The following DNAH5 variants were observed in gnomAD, a reference collection of about 807,000 sequenced individuals.
DNAH5 encodes dynein axonemal heavy chain 5.
A neutral mutation model predicts 518.2 loss-of-function variants in DNAH5; 372 were observed. That is an observed-to-expected ratio of 0.72 (90% CI 0.66 to 0.78). DNAH5 has a LOEUF of 0.78. DNAH5 is among the 30% of genes least tolerant of loss of function. The probability of loss-of-function intolerance (pLI) is 0.00; values close to 1 mark genes in which losing one functional copy is unlikely to be tolerated. For missense variants in DNAH5, 5,523 were observed against 5,687.0 expected (o/e 0.97, Z 0.93); for synonymous variants, 2,039 against 2,025.9 (o/e 1.01, Z -0.17).
At chr5:13,871,500 C>T (rs537385885) in intron 23 of DNAH5, 64 bp downstream of exon 23, 1 of 1,364,716 alleles carries the variant, frequency 7.3e-7, no homozygotes, top group African/African-American at 1.4e-5. Context: ...GAATACAAAT[C>T]TAGGTAAAGA....
In DNAH5 at chr5:13,824,269, C is replaced by G; in HGVS notation, c.6509G>C (p.Arg2170Thr). 1 of 1,614,098 alleles carries G rather than the reference C, an allele frequency of 6.2e-7. No individual in the cohort carries two copies. The highest frequency in any genetic ancestry group is 8.5e-7 in the Non-Finnish European group (1 of 1,179,976). ...SVLRTLGAAK[R>T]ANPMDTESTI... ...GGACTCCGTATCCATTGGATTGGCT[C>G]TTTTTGCTGCTCCCAAGGTCCGAAG... The change falls in exon 39 of 79, where the codon AGA (arginine) becomes ACA (threonine). Residue 2170 changes from arginine to threonine, a missense_variant. Arg to Thr is a moderately conservative substitution (Grantham distance 71). This residue lies in a region of DNAH5 where 5,121 missense variants were observed against 5,223.3 expected (regional missense o/e 0.98). Transcript: ENST00000265104.
At chr5:13,710,071 G>A (rs753522179) in intron 75 of DNAH5, among the ~76,000 whole-genome samples, 69 of 151,952 alleles carry the variant, frequency 4.5e-4, no homozygotes, top group South Asian at 8.3e-4. Context: ...GCACCCCACC[G>A]CCAACTCCGC....
intron 1 of DNAH5, among the ~76,000 whole-genome samples, chr5:13,957,906 T>C (rs992979288): frequency 7.3e-5 from 11 of 151,724 alleles, no homozygotes; most frequent in African/African-American, 2.7e-4. Flanking sequence ...TATATTCTTC[T>C]ACTCCATGAG....
Position 13,841,860 on chromosome 5 carries a change from C to T in DNAH5, c.5316G>A (p.Thr1772=), listed in dbSNP as rs1476390725. The change falls in exon 33 of 79, where the codon ACG becomes ACA. Residue 1772 remains threonine, a synonymous_variant. Transcript: ENST00000265104. ...CCATGACAGGTTTATCCAATTCAAT[C>T]GTCTCACCCTCTTGAGAGGAAATTG... is the stretch of plus-strand genomic sequence containing the variant. The part of the protein sequence containing the change: ...ILSISSQEGE[T]IELDKPVMAE... 7.5e-6 allele frequency: 12 copies of T among 1,595,502 alleles called. No homozygotes were observed. The highest frequency in any genetic ancestry group is 4.2e-5 in the African/African-American group (3 of 71,600).
At chr5:13,763,989 G>A (rs572391412) in intron 59 of DNAH5, among the ~76,000 whole-genome samples, 4 of 152,316 alleles carry the variant, frequency 2.6e-5, no homozygotes, top group South Asian at 2.1e-4. Context: ...GCTACTTATC[G>A]TTATAGCTGC....
chr5:13,813,899 G>A (rs972243958), intron 43 of DNAH5, among the ~76,000 whole-genome samples: 26 of 151,928 alleles, frequency 1.7e-4, no homozygotes, highest in Non-Finnish European at 3.2e-4. Flanking sequence ...AATCATCTTC[G>A]AAAAACTTAG....
At chr5:13,894,579 G>T in intron 16 of DNAH5, 71 bp downstream of exon 16, 1 of 1,508,812 alleles carries the variant, frequency 6.6e-7, no homozygotes. Context: ...ATATTGATAA[G>T]AAATTATTCA....
intron 5 of DNAH5, among the ~76,000 whole-genome samples, chr5:13,920,911 T>C (rs1367789788): frequency 6.6e-6 from 1 of 152,166 alleles, no homozygotes; most frequent in Non-Finnish European, 1.5e-5. Flanking sequence ...ATTTTGGTAA[T>C]ACTTTTATTG....
intron 12 of DNAH5, among the ~76,000 whole-genome samples, chr5:13,903,131 A>C (rs1264326557): frequency 5.9e-5 from 9 of 152,122 alleles, no homozygotes; most frequent in Non-Finnish European, 1.0e-4. Flanking sequence ...AAAGAACAGA[A>C]CTGAATAAAA....
At chr5:13,847,635 A>G (rs948334771) in intron 31 of DNAH5, among the ~76,000 whole-genome samples, 1 of 151,812 alleles carries the variant, frequency 6.6e-6, no homozygotes, top group South Asian at 2.1e-4. Flanking sequence ...AAGGTGGGAG[A>G]ATCACTTGAA....
At chr5:13,978,820 A>G (rs1290326479) in intron 1 of DNAH5, among the ~76,000 whole-genome samples, 2 of 152,322 alleles carry the variant, frequency 1.3e-5, no homozygotes, top group African/African-American at 4.8e-5. Context: ...CACATTTATC[A>G]GAATGTATCT....
rs1747678431 is a variant in DNAH5 at position 13,737,402 on chromosome 5, T to C, written c.11305A>G (p.Thr3769Ala). 1 of 1,614,194 alleles carries C rather than the reference T, an allele frequency of 6.2e-7. No homozygotes were observed. The highest frequency in any genetic ancestry group is 8.5e-7 in the Non-Finnish European group (1 of 1,180,014). Residue 3769 changes from threonine to alanine, a missense_variant, in exon 66 of 79, where the codon ACA becomes GCA. Coordinates refer to ENST00000265104, the MANE Select transcript of DNAH5 (RefSeq NM_001369.3). Reference protein sequence around the residue: ...ELEDNLLYRLTSTQGSLVEDE... With the variant: ...ELEDNLLYRLASTQGSLVEDE... ...TCTACCAGGGACCCCTGGGTACTTG[T>C]CAGGCGGTAAAGCAAGTTATCTTCT...
At chr5:13,890,378 G>C (rs892440170) in intron 17 of DNAH5, among the ~76,000 whole-genome samples, 1 of 148,276 alleles carries the variant, frequency 6.7e-6, no homozygotes, top group Admixed American at 6.8e-5. Flanking sequence ...CTGCACTCCA[G>C]CCTGGGCAAC....
At chr5:13,836,254 A>G (rs1764385202) in intron 35 of DNAH5, among the ~76,000 whole-genome samples, 1 of 152,210 alleles carries the variant, frequency 6.6e-6, no homozygotes. Context: ...CAACCAACAG[A>G]CATGTCACAT....
chr5:14,007,750 C>A (rs184442461), intron 1 of DNAH5, among the ~76,000 whole-genome samples: 190 of 152,224 alleles, frequency 1.2e-3, no homozygotes, highest in Non-Finnish European at 2.2e-3. Flanking sequence ...CAGTGGACAG[C>A]GGTCACAATT....
intron 52 of DNAH5, among the ~76,000 whole-genome samples, chr5:13,785,563 A>G (rs1326340587): frequency 6.6e-6 from 1 of 152,226 alleles, no homozygotes; most frequent in African/African-American, 2.4e-5. Context: ...ATTGTTCAAT[A>G]TCATTAAGTA....
intron 65 of DNAH5, among the ~76,000 whole-genome samples, chr5:13,749,944 C>T (rs1404315107): frequency 6.7e-6 from 1 of 149,988 alleles, no homozygotes; most frequent in Non-Finnish European, 1.5e-5. Context: ...TCAGTATCTG[C>T]CATTCTGAGA....
At chr5:13,718,147 GA>G (rs1744557196) in intron 72 of DNAH5, among the ~76,000 whole-genome samples, 1 of 152,048 alleles carries the variant, frequency 6.6e-6, no homozygotes, top group South Asian at 2.1e-4. Flanking sequence ...TTTCCAGATT[GA>G]AATACAATAA....
At chr5:13,871,330 C>T (rs1770070548) in intron 23 of DNAH5, among the ~76,000 whole-genome samples, 1 of 151,992 alleles carries the variant, frequency 6.6e-6, no homozygotes, top group Non-Finnish European at 1.5e-5. Flanking sequence ...ACAGACATCT[C>T]CTTTCTCTGA....
Sources: allele counts gnomAD v4.1 joint callset (sites outside exome capture counted in the v4.1 genomes callset), GRCh38; gene constraint gnomAD v4.1.1; regional missense constraint gnomAD v4.1.1; transcripts MANE v1.5; gene names NCBI Gene and HGNC (gene_info 2026-07-23, HGNC 2026-07-21).